Variants in TRIM71 observed in about 807,000 individuals in gnomAD.
The protein encoded by TRIM71 is tripartite motif containing 71, also known as E3 ubiquitin-protein ligase TRIM71.
Under a neutral mutation model 61.2 loss-of-function variants are expected in TRIM71, and 9 were observed. The observed-to-expected ratio is 0.15, with a 90% CI of 0.09 to 0.26. The LOEUF (loss-of-function observed/expected upper bound fraction) is 0.26. Ranked by LOEUF, TRIM71 falls within the 10% of genes least tolerant of loss-of-function variation. The pLI, the probability that TRIM71 is intolerant of heterozygous loss-of-function variation, is 1.00. For synonymous variants in TRIM71, 645 were observed against 553.2 expected, an observed-to-expected ratio of 1.17 and a Z score of -2.33; for missense variants, 998 against 1,238.7, an observed-to-expected ratio of 0.81 and a Z score of 2.92.
intron 1 of TRIM71, among the ~76,000 whole-genome samples, chr3:32,837,792 C>T (rs1051549549): frequency 2.7e-5 from 4 of 150,178 alleles, no homozygotes; most frequent in South Asian, 2.2e-4. Context: ...GGTGACAGAG[C>T]GAGACTCCAT....
At chr3:32,834,942 A>C (rs1484809749) in intron 1 of TRIM71, among the ~76,000 whole-genome samples, 1 of 152,236 alleles carries the variant, frequency 6.6e-6, no homozygotes, top group Non-Finnish European at 1.5e-5. Flanking sequence ...ATTTAATGAC[A>C]GTTCATTCTA....
At chr3:32,861,139 T>C (rs11129536) in intron 1 of TRIM71, among the ~76,000 whole-genome samples, 145,983 of 151,964 alleles carry the variant, frequency 0.96, 70,401 homozygotes, top group East Asian at 1. Context: ...CGTGTCATTG[T>C]ACTCCAGCCA....
At chr3:32,819,400 G>A in intron 1 of TRIM71, among the ~76,000 whole-genome samples, 1 of 152,152 alleles carries the variant, frequency 6.6e-6, no homozygotes, top group East Asian at 1.9e-4. Context: ...CGGAAGAGAT[G>A]GTTGTGTGGG....
intron 2 of TRIM71, among the ~76,000 whole-genome samples, chr3:32,880,390 C>T (rs183358766): frequency 6.6e-6 from 1 of 152,238 alleles, no homozygotes; most frequent in East Asian, 1.9e-4. Flanking sequence ...AAATCATTTC[C>T]AGATGAGGAG....
intron 2 of TRIM71, among the ~76,000 whole-genome samples, 178 bp from the exon 3 acceptor site, chr3:32,885,756 A>G (rs1308084221): frequency 6.6e-6 from 1 of 152,194 alleles, no homozygotes; most frequent in Non-Finnish European, 1.5e-5. Context: ...CTTTAGTTAC[A>G]TGTCAAACAG....
At chr3:32,889,910 A>G (rs943384130) in intron 3 of TRIM71, among the ~76,000 whole-genome samples, 1 of 151,872 alleles carries the variant, frequency 6.6e-6, no homozygotes, top group African/African-American at 2.4e-5. Flanking sequence ...GTATGTATGT[A>G]TGTATGTATG....
chr3:32,874,098 C>A, intron 2 of TRIM71, 113 bp downstream of exon 2: 1 of 1,119,398 alleles, frequency 8.9e-7, no homozygotes. Context: ...AATAGTGACC[C>A]AAATGAGCTC....
At chr3:32,863,224 A>G (rs1208792342) in intron 1 of TRIM71, among the ~76,000 whole-genome samples, 50 of 69,816 alleles carry the variant, frequency 7.2e-4, no homozygotes, top group Non-Finnish European at 9.4e-4. Context: ...TTTTTTTTGG[A>G]GCTGGTCTTG....
chr3:32,846,370 T>G (rs1696474985), intron 1 of TRIM71, among the ~76,000 whole-genome samples: 1 of 152,228 alleles, frequency 6.6e-6, no homozygotes, highest in Admixed American at 6.5e-5. Context: ...CCACTATGCC[T>G]GGCCACCACT....
At position 32,890,327 on chromosome 3, in the gene TRIM71, T is replaced by C; in HGVS notation, c.1156-33T>C. ...TTTTCTGTGCTTGGCTCTAAGCCTC[T>C]GTGTCTTTCTCCACTCTTGCTTTTC... is the stretch of plus-strand genomic sequence containing the variant. On this transcript the variant is annotated intron_variant, in intron 3 of 3. Coordinates refer to ENST00000383763, the MANE Select transcript of TRIM71 (RefSeq NM_001039111.3). This position sits in a 1 kb window ranked among gnomAD's most constrained non-coding sequence, Gnocchi z 6.2. 1 of 1,592,138 alleles carries C rather than the reference T, an allele frequency of 6.3e-7. No individual in the cohort carries two copies. The highest frequency in any genetic ancestry group is 8.6e-7 in the Non-Finnish European group (1 of 1,165,648).
intron 1 of TRIM71, among the ~76,000 whole-genome samples, chr3:32,864,444 G>A (rs1423716587): frequency 6.6e-6 from 1 of 152,234 alleles, no homozygotes; most frequent in African/African-American, 2.4e-5. Context: ...GCCTCAAGCT[G>A]TGTGGGGTGG....
chr3:32,850,790 T>C (rs1369949167), intron 1 of TRIM71, among the ~76,000 whole-genome samples: 1 of 152,172 alleles, frequency 6.6e-6, no homozygotes, highest in Non-Finnish European at 1.5e-5. Context: ...CGCTGCCCTA[T>C]CCGCCTGTTT....
At position 32,893,805 on chromosome 3, in the gene TRIM71, C is replaced by T. The variant is rs1184675529; in HGVS notation, c.*1994C>T. 6.6e-6 allele frequency: 1 copy of T among 152,122 alleles called. No individual in the cohort carries two copies. The highest frequency in any genetic ancestry group is 2.4e-5 in the African/African-American group (1 of 41,422). The allele number at this position is 152,122 out of a possible 1,614,324, so 9.4% of individuals were successfully genotyped here. ...TAATTTACTACTACTACAAGCTACT[C>T]TGTCTCTTCCCATTGCTTTAATTCT... On this transcript the variant is annotated 3_prime_UTR_variant, in exon 4 of 4. Coordinates refer to ENST00000383763, the MANE Select transcript of TRIM71 (RefSeq NM_001039111.3).
intron 1 of TRIM71, among the ~76,000 whole-genome samples, chr3:32,843,536 G>C (rs1696435217): frequency 6.6e-6 from 1 of 152,168 alleles, no homozygotes; most frequent in South Asian, 2.1e-4. Flanking sequence ...CTCTGGGAAG[G>C]AAATCTGGGC....
intron 1 of TRIM71, among the ~76,000 whole-genome samples, chr3:32,835,778 A>G (rs1356623718): frequency 6.6e-6 from 1 of 152,142 alleles, no homozygotes; most frequent in Non-Finnish European, 1.5e-5. Flanking sequence ...TAAGTAATAT[A>G]TAAACCTATT....
At chr3:32,867,460 C>G (rs922780997) in intron 1 of TRIM71, among the ~76,000 whole-genome samples, 36 of 151,836 alleles carry the variant, frequency 2.4e-4, no homozygotes, top group African/African-American at 8.5e-4. Context: ...TATATACATA[C>G]ATATTTTTGA....
chr3:32,870,432 A>G (rs571690061), intron 1 of TRIM71, among the ~76,000 whole-genome samples: 1 of 152,198 alleles, frequency 6.6e-6, no homozygotes, highest in East Asian at 1.9e-4. Flanking sequence ...TTCTGAAACC[A>G]CAGTGTGTTC....
chr3:32,846,614 A>G (rs539012961), intron 1 of TRIM71, among the ~76,000 whole-genome samples: 149 of 152,096 alleles, frequency 9.8e-4, no homozygotes, highest in African/African-American at 3.5e-3. Context: ...TCTAACTGAA[A>G]CTTTTAACCG....
At chr3:32,879,110 G>C (rs4274781) in intron 2 of TRIM71, among the ~76,000 whole-genome samples, 85,070 of 152,076 alleles carry the variant, frequency 0.56, 24,194 homozygotes, top group African/African-American at 0.67. Context: ...CACTCATCCT[G>C]TCTTAGCTTC....
Sources: allele counts gnomAD v4.1 joint callset (sites outside exome capture counted in the v4.1 genomes callset), GRCh38; gene constraint gnomAD v4.1.1; non-coding constraint Gnocchi (gnomAD v3.1); transcripts MANE v1.5; gene names NCBI Gene and HGNC (gene_info 2026-07-23, HGNC 2026-07-21).